CIROZ: variants seen among roughly 807,000 people sequenced by gnomAD.
The protein encoded by CIROZ is ciliated left-right organizer protein containing ZP-N domains.
chr1:10,971,468 T>G, the CIROZ span, among the ~76,000 whole-genome samples: 1 of 152,044 alleles, frequency 6.6e-6, no homozygotes, highest in East Asian at 2.0e-4. Context: ...CAAGCTGGTC[T>G]TTTCTCTACC....
chr1:10,948,026 A>T, the CIROZ span: 3 of 1,613,396 alleles, frequency 1.9e-6, no homozygotes, highest in Non-Finnish European at 2.5e-6. Flanking sequence ...GAGGTTCCAT[A>T]GGAAGAACTG....
At chr1:10,968,008 A>C in the CIROZ span, among the ~76,000 whole-genome samples, 3 of 151,628 alleles carry the variant, frequency 2.0e-5, no homozygotes, top group African/African-American at 7.3e-5. Context: ...AAATACAAAA[A>C]TTCGTTCGGC....
At chr1:10,956,669 G>A in the CIROZ span, among the ~76,000 whole-genome samples, 169 of 151,932 alleles carry the variant, frequency 1.1e-3, no homozygotes, top group Non-Finnish European at 2.0e-3. Flanking sequence ...AGTAGAGACA[G>A]GGTTTCACCG....
At chr1:10,981,759 G>T in the CIROZ span, among the ~76,000 whole-genome samples, 1 of 152,134 alleles carries the variant, frequency 6.6e-6, no homozygotes, top group Non-Finnish European at 1.5e-5. Flanking sequence ...TTCCCAAGAT[G>T]GGAGGACTGG....
chr1:10,975,234 C>T, the CIROZ span, among the ~76,000 whole-genome samples: 3 of 151,932 alleles, frequency 2.0e-5, no homozygotes, highest in African/African-American at 7.3e-5. Flanking sequence ...GGCGAAACCC[C>T]GTCTCTACTA....
chr1:10,946,962 C>T, the CIROZ span, among the ~76,000 whole-genome samples: 12 of 152,316 alleles, frequency 7.9e-5, no homozygotes, highest in South Asian at 2.5e-3. Flanking sequence ...GCAAGCATCC[C>T]CTCTGCCTGG....
chr1:10,980,967 A>G, the CIROZ span, among the ~76,000 whole-genome samples: 1 of 152,332 alleles, frequency 6.6e-6, no homozygotes, highest in East Asian at 1.9e-4. Context: ...TTCATTGTCT[A>G]CAGACTTCAA....
chr1:10,954,153 A>T, the CIROZ span: 1 of 1,609,500 alleles, frequency 6.2e-7, no homozygotes, highest in East Asian at 2.2e-5. Flanking sequence ...CTGTGGGGCC[A>T]CAAGAAATTA....
chr1:10,947,667 C>A, the CIROZ span: 2 of 1,495,080 alleles, frequency 1.3e-6, no homozygotes, highest in Admixed American at 2.4e-5. Flanking sequence ...GGAGGCTCAG[C>A]GTGAGGGCCT....
At chr1:10,957,142 A>T in the CIROZ span, 1 of 1,510,218 alleles carries the variant, frequency 6.6e-7, no homozygotes, top group Non-Finnish European at 8.9e-7. Flanking sequence ...TGAGGTCTCC[A>T]AAACTGCTCC....
chr1:10,947,803 C>G, the CIROZ span: 1 of 1,599,304 alleles, frequency 6.3e-7, no homozygotes, highest in Non-Finnish European at 8.6e-7. Context: ...AAGGGGTATT[C>G]AAGCTCCACC....
chr1:10,976,279 G>T, the CIROZ span: 2 of 1,471,958 alleles, frequency 1.4e-6, no homozygotes, highest in South Asian at 1.2e-5. Context: ...AGGGAAGGGG[G>T]TGGGGACATG....
At chr1:10,977,129 A>G in the CIROZ span, among the ~76,000 whole-genome samples, 1 of 152,004 alleles carries the variant, frequency 6.6e-6, no homozygotes, top group East Asian at 1.9e-4. Flanking sequence ...ACTGTACTCC[A>G]GCCTGGAGGA....
the CIROZ span, chr1:10,948,561 G>C: frequency 1.9e-6 from 3 of 1,614,096 alleles, no homozygotes; most frequent in African/African-American, 2.7e-5. Context: ...AGGTCGTTCA[G>C]GCCTCGGGGC....
At chr1:10,951,745 A>ATATATATATATATATATATATATATAT in the CIROZ span, among the ~76,000 whole-genome samples, 1 of 119,188 alleles carries the variant, frequency 8.4e-6, no homozygotes, top group African/African-American at 3.6e-5. Flanking sequence ...AAAAAAAAAA[A>ATATATATATATATATATATATATATAT]ATATATATAT....
chr1:10,974,166 C>T, the CIROZ span, among the ~76,000 whole-genome samples: 5 of 152,096 alleles, frequency 3.3e-5, no homozygotes, highest in East Asian at 1.9e-4. The surrounding 1 kb of genome is among the most constrained non-coding windows in gnomAD (Gnocchi z 4.4). Flanking sequence ...GGCTGCGGGC[C>T]GGGCTGCCAG....
chr1:10,957,262 G>C, the CIROZ span, among the ~76,000 whole-genome samples: 45 of 152,234 alleles, frequency 3.0e-4, no homozygotes, highest in African/African-American at 1.0e-3. Flanking sequence ...TGGCGCCGAT[G>C]CAACTAGGAA....
the CIROZ span, among the ~76,000 whole-genome samples, chr1:10,951,745 A>AAAAAAAAAAAATATAT: frequency 9.2e-5 from 11 of 119,178 alleles, no homozygotes; most frequent in African/African-American, 3.6e-4. Context: ...AAAAAAAAAA[A>AAAAAAAAAAAATATAT]ATATATATAT....
the CIROZ span, among the ~76,000 whole-genome samples, chr1:10,976,541 G>A: frequency 6.6e-6 from 1 of 151,676 alleles, no homozygotes; most frequent in African/African-American, 2.4e-5. Flanking sequence ...TAGTAGAGAT[G>A]GGGTTTCACC....
Sources: allele counts gnomAD v4.1 joint callset (sites outside exome capture counted in the v4.1 genomes callset), GRCh38; gene constraint gnomAD v4.1.1; non-coding constraint Gnocchi (gnomAD v3.1); transcripts MANE v1.5; gene names NCBI Gene and HGNC (gene_info 2026-07-23, HGNC 2026-07-21).